CPHXL2: variants seen among roughly 807,000 people sequenced by gnomAD.
The protein encoded by CPHXL2 is cytoplasmic polyadenylated homeobox like 2, also known as cytoplasmic polyadenylated homeobox-like protein 2.
the CPHXL2 span, among the ~76,000 whole-genome samples, chr16:75,673,676 A>G: frequency 1.3e-5 from 2 of 152,058 alleles, no homozygotes; most frequent in African/African-American, 4.8e-5. Context: ...TGGGGCAGAA[A>G]GGCACAAAGC....
At chr16:75,673,205 C>T in the CPHXL2 span, among the ~76,000 whole-genome samples, 634 of 151,720 alleles carry the variant, frequency 4.2e-3, 2 homozygotes, top group Non-Finnish European at 6.6e-3. Flanking sequence ...GAGGACCAGG[C>T]GGGCAGATCA....
At chr16:75,661,647 T>G in the CPHXL2 span, among the ~76,000 whole-genome samples, 2 of 152,108 alleles carry the variant, frequency 1.3e-5, no homozygotes, top group Non-Finnish European at 2.9e-5. Flanking sequence ...CCTACAACCC[T>G]GCTACTTTAC....
chr16:75,677,003 G>A, the CPHXL2 span: 30 of 398,372 alleles, frequency 7.5e-5, no homozygotes, highest in Admixed American at 3.5e-4. Flanking sequence ...AAGACATGTC[G>A]AAACTCCAGT....
At chr16:75,661,822 A>T in the CPHXL2 span, among the ~76,000 whole-genome samples, 1 of 152,180 alleles carries the variant, frequency 6.6e-6, no homozygotes, top group Non-Finnish European at 1.5e-5. Context: ...CTCTGTGAGG[A>T]GAAGAAACAA....
At chr16:75,675,309 C>T in the CPHXL2 span, among the ~76,000 whole-genome samples, 3 of 151,286 alleles carry the variant, frequency 2.0e-5, no homozygotes, top group East Asian at 2.0e-4. Flanking sequence ...TGTGAGCCAC[C>T]GTGCCCAGTA....
the CPHXL2 span, among the ~76,000 whole-genome samples, chr16:75,675,316 A>T: frequency 9.2e-5 from 14 of 151,574 alleles, no homozygotes; most frequent in African/African-American, 3.4e-4. Flanking sequence ...CACCGTGCCC[A>T]GTACATTGAT....
chr16:75,669,002 A>G, the CPHXL2 span, among the ~76,000 whole-genome samples: 2 of 152,094 alleles, frequency 1.3e-5, no homozygotes, highest in Admixed American at 1.3e-4. Context: ...ACCTCCATCT[A>G]TACTTATTGC....
the CPHXL2 span, among the ~76,000 whole-genome samples, chr16:75,673,632 C>T: frequency 9.2e-5 from 14 of 152,000 alleles, no homozygotes; most frequent in African/African-American, 2.2e-4. Flanking sequence ...TAAAAGAAAC[C>T]GGAGTTTTCT....
At chr16:75,675,519 G>C in the CPHXL2 span, among the ~76,000 whole-genome samples, 1 of 152,062 alleles carries the variant, frequency 6.6e-6, no homozygotes, top group African/African-American at 2.4e-5. Context: ...CAGAGAAAGA[G>C]GAGGGAACAA....
the CPHXL2 span, among the ~76,000 whole-genome samples, chr16:75,663,952 T>C: frequency 9.3e-5 from 13 of 140,218 alleles, no homozygotes; most frequent in African/African-American, 4.1e-4. Flanking sequence ...ATTTACAGTC[T>C]ATTCTGAAAT....
At chr16:75,663,649 C>T in the CPHXL2 span, among the ~76,000 whole-genome samples, 4 of 151,874 alleles carry the variant, frequency 2.6e-5, no homozygotes, top group Admixed American at 2.0e-4. Context: ...TTTGGGAGGC[C>T]GAGGCAGGTG....
the CPHXL2 span, chr16:75,669,232 C>T: frequency 5.1e-6 from 2 of 393,048 alleles, no homozygotes; most frequent in East Asian, 7.2e-5. Flanking sequence ...TGGGGAGTCA[C>T]CTGAGCCCAG....
chr16:75,672,255 G>A, the CPHXL2 span, among the ~76,000 whole-genome samples: 8 of 151,544 alleles, frequency 5.3e-5, no homozygotes, highest in African/African-American at 9.7e-5. Context: ...CTCCTGCCTG[G>A]GCTACAGAGT....
At chr16:75,668,448 C>G in the CPHXL2 span, among the ~76,000 whole-genome samples, 1 of 152,058 alleles carries the variant, frequency 6.6e-6, no homozygotes, top group African/African-American at 2.4e-5. Flanking sequence ...AGGCTGGTCT[C>G]AAACTCCTGA....
chr16:75,675,000 C>T, the CPHXL2 span, among the ~76,000 whole-genome samples: 1 of 151,222 alleles, frequency 6.6e-6, no homozygotes, highest in African/African-American at 2.4e-5. Flanking sequence ...ACCAGCCTGG[C>T]CAATATGGTG....
At chr16:75,663,430 C>G in the CPHXL2 span, among the ~76,000 whole-genome samples, 1 of 152,138 alleles carries the variant, frequency 6.6e-6, no homozygotes, top group Non-Finnish European at 1.5e-5. Context: ...TCTAAGGCCC[C>G]CTAACCATCT....
At chr16:75,668,196 A>G in the CPHXL2 span, among the ~76,000 whole-genome samples, 1 of 149,578 alleles carries the variant, frequency 6.7e-6, no homozygotes, top group Admixed American at 6.7e-5. Flanking sequence ...ATACTGCTTA[A>G]TTCTCTCTCT....
the CPHXL2 span, among the ~76,000 whole-genome samples, chr16:75,671,221 G>A: frequency 8.5e-5 from 13 of 152,250 alleles, no homozygotes; most frequent in South Asian, 2.3e-3. Flanking sequence ...TTAGCCAGGC[G>A]TGGTGGTGTG....
the CPHXL2 span, among the ~76,000 whole-genome samples, chr16:75,674,741 GCT>G: frequency 7.9e-5 from 12 of 151,804 alleles, no homozygotes; most frequent in Admixed American, 6.6e-4. Flanking sequence ...ACAGAGTCTC[GCT>G]CTGTCTCCCA....
Sources: allele counts gnomAD v4.1 joint callset (sites outside exome capture counted in the v4.1 genomes callset), GRCh38; gene constraint gnomAD v4.1.1; transcripts MANE v1.5; gene names NCBI Gene and HGNC (gene_info 2026-07-23, HGNC 2026-07-21).